The following PTPRT variants were observed in gnomAD, a reference collection of about 807,000 sequenced individuals.
The protein encoded by PTPRT is receptor-type tyrosine-protein phosphatase T.
PTPRT carries 56 observed loss-of-function variants against 176.8 expected under a neutral mutation model. The ratio of observed to expected loss-of-function variants is 0.32; its 90% CI spans 0.26 to 0.40. The LOEUF (loss-of-function observed/expected upper bound fraction) is 0.40. PTPRT is among the 10% of genes least tolerant of loss of function. PTPRT has a pLI of 1.00. For synonymous variants in PTPRT, 783 were observed against 739.0 expected (o/e 1.06, Z -0.96); for missense variants, 1,540 against 1,908.2 (o/e 0.81, Z 3.60).
chr20:42,816,852 A>C (rs908291018), intron 2 of PTPRT, among the ~76,000 whole-genome samples: 3 of 152,212 alleles, frequency 2.0e-5, no homozygotes, highest in Non-Finnish European at 4.4e-5. Context: ...TACACTAACC[A>C]ATCATGAAAG....
rs551366035 is a variant in PTPRT at position 42,105,411 on chromosome 20, G to T, written c.3391-693C>A. On this transcript the variant is annotated intron_variant, in intron 24 of 30. Transcript: ENST00000373187. ...ATATCTTCTCCTATCTCAATTCTTT[G>T]TACCTGCTGTACTCTCCTCCTGAAA... Among the ~76,000 whole-genome samples, 371 of 152,070 alleles carry T rather than the reference G, an allele frequency of 2.4e-3. 25 individuals carry two copies. In the South Asian group the frequency reaches 0.073, roughly 30 times the overall value.
intron 13 of PTPRT, among the ~76,000 whole-genome samples, chr20:42,276,529 AT>A (rs2057036716): frequency 2.1e-5 from 1 of 47,054 alleles, no homozygotes; most frequent in Admixed American, 1.9e-4. Flanking sequence ...ATATATATAT[AT>A]ATATATATAT....
chr20:43,051,863 C>A (rs1465051106), intron 1 of PTPRT, among the ~76,000 whole-genome samples: 1 of 151,752 alleles, frequency 6.6e-6, no homozygotes, highest in Non-Finnish European at 1.5e-5. Context: ...CTTTTTTCAC[C>A]AAATTGAAAC....
intron 26 of PTPRT, among the ~76,000 whole-genome samples, chr20:42,100,405 G>A (rs1216475474): frequency 6.6e-6 from 1 of 152,232 alleles, no homozygotes; most frequent in African/African-American, 2.4e-5. Context: ...ACCAGATAAT[G>A]CACTGACTGG....
intron 7 of PTPRT, among the ~76,000 whole-genome samples, chr20:42,614,341 C>G (rs2074027441): frequency 6.6e-6 from 1 of 152,108 alleles, no homozygotes; most frequent in Non-Finnish European, 1.5e-5. Flanking sequence ...ACCGTATTTC[C>G]AAATAAGGTC....
Position 42,771,433 on chromosome 20 carries a change from A to T in PTPRT, c.684+2T>A. 6.2e-7 allele frequency: 1 copy of T among 1,612,016 alleles called. No homozygotes were observed. Among genetic ancestry groups the T allele is most frequent in the Non-Finnish European group, 8.5e-7 (1 of 1,178,148 alleles). On this transcript the variant is annotated splice_donor_variant, in intron 5 of 30. Coordinates refer to ENST00000373187, the MANE Select transcript of PTPRT (RefSeq NM_007050.6). LOFTEE classifies it high-confidence loss of function. ...CTGAGCAGAGGCTTCTCTCATGCTTACCTGGAGCCAAAGCTTGTCATGCTG... is the reference window on the plus strand; with the variant it reads ...CTGAGCAGAGGCTTCTCTCATGCTTTCCTGGAGCCAAAGCTTGTCATGCTG...
At position 42,706,602 on chromosome 20, in the gene PTPRT, T is replaced by G. The variant is rs536436080; in HGVS notation, c.860-28443A>C. On this transcript the variant is annotated intron_variant, in intron 6 of 30. Transcript: ENST00000373187. ...GGCACATAGCAGTCATTTTAAAAATTTAGTTTCTTCTTTCTTCATTAGAAA... is the reference window on the plus strand; with the variant it reads ...GGCACATAGCAGTCATTTTAAAAATGTAGTTTCTTCTTTCTTCATTAGAAA... 5.3e-5 allele frequency among the ~76,000 whole-genome samples: 8 copies of G among 152,320 alleles called. No homozygotes were observed. The South Asian group carries it at 1.5e-3, about 28-fold the overall frequency.
At chr20:42,095,220 A>G (rs1275240773) in intron 27 of PTPRT, among the ~76,000 whole-genome samples, 1 of 152,182 alleles carries the variant, frequency 6.6e-6, no homozygotes, top group African/African-American at 2.4e-5. Flanking sequence ...TCTATTCTCA[A>G]CACAGCAGCC....
intron 1 of PTPRT, among the ~76,000 whole-genome samples, chr20:43,138,359 G>A (rs1235633575): frequency 6.6e-6 from 1 of 152,202 alleles, no homozygotes; most frequent in Non-Finnish European, 1.5e-5. Flanking sequence ...GCGTGGCTCG[G>A]AGCCAGCACT....
At chr20:42,788,168 C>T (rs922595929) in intron 3 of PTPRT, among the ~76,000 whole-genome samples, 4 of 151,964 alleles carry the variant, frequency 2.6e-5, no homozygotes, top group African/African-American at 9.7e-5. Flanking sequence ...TTCATAGGTT[C>T]CTGCTGTTGT....
At chr20:42,565,116 C>T (rs1334555016) in intron 7 of PTPRT, among the ~76,000 whole-genome samples, 2 of 152,056 alleles carry the variant, frequency 1.3e-5, no homozygotes, top group African/African-American at 4.8e-5. Flanking sequence ...GAAGACAGCA[C>T]CCGAGAAGAA....
intron 13 of PTPRT, among the ~76,000 whole-genome samples, chr20:42,261,780 C>G (rs2056754168): frequency 6.6e-6 from 1 of 152,166 alleles, no homozygotes; most frequent in Non-Finnish European, 1.5e-5. Flanking sequence ...TCTTTCCAAC[C>G]AACTCTGGCC....
intron 8 of PTPRT, among the ~76,000 whole-genome samples, chr20:42,471,433 T>A (rs1367593784): frequency 6.6e-6 from 1 of 152,132 alleles, no homozygotes; most frequent in Admixed American, 6.5e-5. Context: ...TCTGGTTAAG[T>A]GTGTGGCACC....
chr20:43,160,723 T>C (rs1425780278), intron 1 of PTPRT, among the ~76,000 whole-genome samples: 1 of 152,112 alleles, frequency 6.6e-6, no homozygotes, highest in Non-Finnish European at 1.5e-5. Context: ...AAACAAAGTG[T>C]ATTTATTATG....
Position 42,861,674 on chromosome 20 carries a change from T to C in PTPRT, c.214+24133A>G, listed in dbSNP as rs2145794170. 1.3e-5 allele frequency among the ~76,000 whole-genome samples: 2 copies of C among 150,188 alleles called. 1 individual carries two copies. The highest frequency in any genetic ancestry group is 1.3e-4 in the Admixed American group (2 of 15,116). ...ATATTATGATAAGGACTAGAAAGAG[T>C]GTCTGGATAAAACAAAACAAAACAA... is the stretch of plus-strand genomic sequence containing the variant. On this transcript the variant is annotated intron_variant, in intron 2 of 30. Transcript: ENST00000373187.
At chr20:42,287,119 CTTATACA>C (rs1476797728) in intron 12 of PTPRT, among the ~76,000 whole-genome samples, 7 of 151,926 alleles carry the variant, frequency 4.6e-5, no homozygotes, top group African/African-American at 7.2e-5. Context: ...AAAGGGAACT[CTTATACA>C]TTGTTGATGG....
intron 1 of PTPRT, among the ~76,000 whole-genome samples, chr20:42,974,973 A>C (rs1279331659): frequency 1.3e-5 from 2 of 152,062 alleles, no homozygotes; most frequent in Non-Finnish European, 2.9e-5. Flanking sequence ...ATAACGTTTT[A>C]AAAAATAACT....
chr20:42,311,840 G>A (rs2078224751), intron 12 of PTPRT, among the ~76,000 whole-genome samples: 1 of 151,994 alleles, frequency 6.6e-6, no homozygotes, highest in South Asian at 2.1e-4. Context: ...AGATTGGAGA[G>A]CTGACTTTGT....
At chr20:42,840,398 TTTTTTA>T (rs2078257250) in intron 2 of PTPRT, among the ~76,000 whole-genome samples, 1 of 152,154 alleles carries the variant, frequency 6.6e-6, no homozygotes, top group African/African-American at 2.4e-5. Flanking sequence ...TCTTTTTTGT[TTTTTTA>T]TTTTTATTTT....
Sources: allele counts gnomAD v4.1 joint callset (sites outside exome capture counted in the v4.1 genomes callset), GRCh38; gene constraint gnomAD v4.1.1; transcripts MANE v1.5; gene names NCBI Gene and HGNC (gene_info 2026-07-23, HGNC 2026-07-21).